Variants in BAIAP3 observed in about 807,000 individuals in gnomAD.
BAIAP3 encodes the protein BAI1 associated protein 3, also known as BAI1-associated protein 3.
A neutral mutation model predicts 149.7 loss-of-function variants in BAIAP3; 180 were observed. That is an observed-to-expected ratio of 1.20 (90% confidence interval 1.07 to 1.36). The LOEUF is 1.36. Ranked by LOEUF, BAIAP3 falls within the 40% of genes most tolerant of loss-of-function variation. The probability of loss-of-function intolerance (pLI) is 0.00; values close to 1 mark genes in which losing one functional copy is unlikely to be tolerated. For synonymous variants in BAIAP3, 845 were observed against 670.7 expected, an observed-to-expected ratio of 1.26 and a Z score of -4.02; for missense variants, 1,767 against 1,563.4, an observed-to-expected ratio of 1.13 and a Z score of -2.20.
Position 1,345,273 on chromosome 16 carries a change from T to C in BAIAP3, c.1965T>C (p.Ala655=), listed in dbSNP as rs1436962876. 1 of 1,613,094 alleles carries C rather than the reference T, an allele frequency of 6.2e-7. No homozygotes were observed. Among genetic ancestry groups the C allele is most frequent in the Non-Finnish European group, 8.5e-7 (1 of 1,179,904 alleles). ...GGGACAGCCGCTCTCTGGCCCTGGC[T>C]GGCATCCACGCCCCCTTCCTGCCTG... is the stretch of plus-strand genomic sequence containing the variant. ...PGRDSRSLAL[A]GIHAPFLPAV... The change falls in exon 22 of 34, where the codon GCT becomes GCC. Residue 655 remains alanine, a synonymous_variant. Coordinates refer to ENST00000426824, the MANE Select transcript of BAIAP3 (RefSeq NM_001199097.2).
chr16:1,346,139 A>AGGT (rs1488346402), intron 24 of BAIAP3, 31 bp from the exon 25 acceptor site: 1 of 1,607,966 alleles, frequency 6.2e-7, no homozygotes, highest in East Asian at 2.2e-5. Context: ...CAGGCCCCGG[A>AGGT]CCCATCGTTG....
chr16:1,344,429 C>G (rs12597545), intron 17 of BAIAP3, 40 bp from the exon 18 acceptor site: 4 of 1,612,278 alleles, frequency 2.5e-6, no homozygotes, highest in Non-Finnish European at 3.4e-6. Context: ...CTTCCTCTTC[C>G]CTGCAATCCA....
intron 1 of BAIAP3, chr16:1,334,873 A>G (rs1396796904): frequency 1.4e-5 from 14 of 1,010,446 alleles, no homozygotes; most frequent in Non-Finnish European, 1.8e-5. Context: ...CAGCGTGGAG[A>G]GCCAGCCTGT....
intron 1 of BAIAP3, chr16:1,334,812 CG>C (rs1315939620): frequency 3.4e-6 from 5 of 1,472,150 alleles, no homozygotes; most frequent in Non-Finnish European, 3.7e-6. Context: ...GAAGGGGAGT[CG>C]GGGGGCTGAG....
rs1345845459 is a variant in BAIAP3 at position 1,333,657 on chromosome 16, G to T, written c.-103G>T. 1.3e-5 allele frequency: 2 copies of T among 151,764 alleles called. No homozygotes were observed. The highest frequency in any genetic ancestry group is 2.9e-5 in the Non-Finnish European group (2 of 67,906). The allele number at this position is 151,764 out of a possible 1,614,324, so 9.4% of individuals were successfully genotyped here. ...CCAGCAGTTGCTCAGTCGTCGGCGC[G>T]CGCGGCTGGGAGCGGTAGCTGTGCC... On this transcript the variant is annotated 5_prime_UTR_variant, in exon 1 of 34. Coordinates refer to ENST00000426824, the MANE Select transcript of BAIAP3 (RefSeq NM_001199097.2).
rs776334872 is a variant in BAIAP3, at chr16:1,347,811, G to A, written c.3015G>A (p.Leu1005=). The change falls in exon 31 of 34, where the codon CTG becomes CTA. Residue 1005 remains leucine (L), a synonymous_variant. Transcript: ENST00000426824. Reference sequence around the variant, plus strand: ...TGCACGCCGCGGACCTGCTCCCCCTGGACGCCAACGGTGAGTTGCAGCGGG... The same window carrying A: ...TGCACGCCGCGGACCTGCTCCCCCTAGACGCCAACGGTGAGTTGCAGCGGG... ...EVLHAADLLP[L]DANGLSDPFV... 4 of 1,605,062 alleles carry A rather than the reference G, an allele frequency of 2.5e-6. No homozygotes were observed. Among genetic ancestry groups the A allele is most frequent in the South Asian group, 2.2e-5 (2 of 90,790 alleles).
Position 1,345,374 on chromosome 16 carries a change from T to G in BAIAP3, c.2064+2T>G, listed in dbSNP as rs2034247686. ...CAGGGAGCCGTGGACATGGACACGG[T>G]GACAGCTGCCCTGGCCTGAGGACAC... On this transcript the variant is annotated splice_donor_variant, in intron 22 of 33. Transcript: ENST00000426824. LOFTEE classifies it high-confidence loss of function. 2 of 1,610,992 alleles carry G rather than the reference T, an allele frequency of 1.2e-6. No individual in the cohort carries two copies. Among genetic ancestry groups the G allele is most frequent in the African/African-American group, 1.3e-5 (1 of 74,710 alleles).
rs771628072 is a variant in BAIAP3, at chr16:1,344,650, A to G, written c.1709A>G (p.Tyr570Cys). 1.9e-6 allele frequency: 3 copies of G among 1,613,408 alleles called. No individual in the cohort carries two copies. The Admixed American group carries it at 5.0e-5, about 27-fold the overall frequency. ...CTGGTTGTGCTGGCTGACGCCGTCT[A>G]TGATGACCTTCAGTTCTGCTACAGT... ...PGLVVLADAV[Y>C]DDLQFCYSVY... Residue 570 changes from tyrosine to cysteine, a missense_variant, in exon 19 of 34, where the codon TAT becomes TGT. By Grantham distance (194) the Tyr-to-Cys change is radical (BLOSUM62 -2). Coordinates refer to ENST00000426824, the MANE Select transcript of BAIAP3 (RefSeq NM_001199097.2).
chr16:1,347,495 C>T (rs561288033), intron 29 of BAIAP3, 50 bp from the exon 30 acceptor site: 82 of 1,550,468 alleles, frequency 5.3e-5, no homozygotes, highest in Non-Finnish European at 6.5e-5. Flanking sequence ...CAAGTGCCAG[C>T]GCTGACCACC....
At chr16:1,334,695 C>T in intron 1 of BAIAP3, 1 of 1,555,204 alleles carries the variant, frequency 6.4e-7, no homozygotes, top group Non-Finnish European at 8.7e-7. Context: ...TGCAGCGGGC[C>T]CGCCAGGTGA....
chr16:1,346,297 C>T lies in BAIAP3; in HGVS notation c.2429C>T (p.Thr810Ile). The change falls in exon 25 of 34, where the codon ACA (threonine) becomes ATA (isoleucine). Residue 810 changes from threonine to isoleucine, a missense_variant. Thr to Ile is a moderately conservative substitution (Grantham distance 89). Transcript: ENST00000426824. ...CTCCCCCGCCCTCTGCTCAGCTGCA[C>T]ACAGGCCCTGGACGATGATCTGCAA... ...GVLPRPLLSC[T>I]QALDDDLQRE... is the part of the protein sequence containing the mutation. 6.2e-7 allele frequency: 1 copy of T among 1,606,508 alleles called. No individual in the cohort carries two copies. Among genetic ancestry groups the T allele is most frequent in the Non-Finnish European group, 8.5e-7 (1 of 1,175,354 alleles).
In BAIAP3 at chr16:1,345,186, C is replaced by G. The variant is rs915068581; in HGVS notation, c.1941-63C>G. On this transcript the variant is annotated intron_variant, in intron 21 of 33. Transcript: ENST00000426824. ...AGGGGGACGGTCCTGGAGCTGTGAG[C>G]CTGGAACGTGCTGGTTAAGGTGTCT... 1.5e-5 allele frequency: 24 copies of G among 1,608,862 alleles called. No homozygotes were observed. The South Asian group carries it at 2.6e-4, about 18-fold the overall frequency.
chr16:1,334,465 G>T, intron 1 of BAIAP3: 1 of 596,470 alleles, frequency 1.7e-6, no homozygotes, highest in Non-Finnish European at 3.0e-6. Context: ...GCGGGGCAGG[G>T]AGGGGGTCGG....
rs1371318924 is a variant in BAIAP3, at chr16:1,346,826, G to A, written c.2643-21G>A. ...GCGGGGCAGGTGGGGCTGGCCCGTG[G>A]TCACTGATGCTGCCCTGCAGGGTGC... On this transcript the variant is annotated intron_variant, in intron 27 of 33. Transcript: ENST00000426824. 5 of 1,571,908 alleles carry A rather than the reference G, an allele frequency of 3.2e-6. No homozygotes were observed. The African/African-American group carries it at 4.0e-5, about 13-fold the overall frequency.
At position 1,338,453 on chromosome 16, in the gene BAIAP3, G is replaced by GGC; in HGVS notation, c.-10-87_-10-86insGC. On this transcript the variant is annotated intron_variant, in intron 1 of 33. Transcript: ENST00000426824. ...CCAGGCCTCTGCCCCACCTCTTCCC[G>GGC]CCCCACCCCCCCACCCCCCCGCCTG... 8 of 177,274 alleles carry GGC rather than the reference G, an allele frequency of 4.5e-5. 1 individual carries two copies. The highest frequency in any genetic ancestry group is 2.8e-4 in the South Asian group (5 of 17,588). 11.0% of individuals were successfully genotyped at this position (177,274 alleles called of 1,614,324 possible).
chr16:1,334,612 A>G (rs1270722534), intron 1 of BAIAP3: 1 of 1,520,684 alleles, frequency 6.6e-7, no homozygotes, highest in African/African-American at 1.4e-5. Context: ...GGGGAGCCCA[A>G]GGCCACCGGC....
At chr16:1,336,466 G>T in intron 1 of BAIAP3, 1 of 910,784 alleles carries the variant, frequency 1.1e-6, no homozygotes, top group South Asian at 5.0e-5. Flanking sequence ...CCTGTCCTCA[G>T]CTCTAGGGTC....
chr16:1,334,205 T>G (rs2033309692), intron 1 of BAIAP3, among the ~76,000 whole-genome samples: 1 of 151,776 alleles, frequency 6.6e-6, no homozygotes, highest in African/African-American at 2.4e-5. Flanking sequence ...CCGCAGGTCC[T>G]CGTAAGGCCC....
chr16:1,343,309 GAA>G, intron 14 of BAIAP3, 82 bp from the exon 15 acceptor site: 1 of 1,516,094 alleles, frequency 6.6e-7, no homozygotes, highest in South Asian at 1.3e-5. Context: ...GTGGGGCAGA[GAA>G]AGGGGTAGTG....
Sources: gnomAD v4.1 joint callset for allele counts (sites outside exome capture counted in the v4.1 genomes callset) on GRCh38, gnomAD v4.1.1 for gene constraint, MANE v1.5 for transcripts, NCBI Gene and HGNC (gene_info 2026-07-23, HGNC 2026-07-21) for gene names.